Variants in HCST observed in about 807,000 individuals in gnomAD.
The protein encoded by HCST is DNAX-activation protein 10.
In HCST, 12 loss-of-function variants were observed where a neutral mutation model predicts 10.8. The observed-to-expected ratio is 1.12, with a 90% CI of 0.72 to 1.81. The LOEUF (loss-of-function observed/expected upper bound fraction) is 1.81, where lower values mean the gene tolerates loss of function less well. Among genes scored for constraint, HCST ranks in the 40% most tolerant of loss-of-function variants. The probability of loss-of-function intolerance (pLI) is 0.00; values close to 1 mark genes in which losing one functional copy is unlikely to be tolerated. For synonymous variants in HCST, 59 were observed against 51.6 expected, an observed-to-expected ratio of 1.14 and a Z score of -0.61; for missense variants, 102 against 117.9, an observed-to-expected ratio of 0.87 and a Z score of 0.62.
Position 35,902,572 on chromosome 19 carries a change from C to T in HCST, c.-22C>T. The T allele has an allele frequency of 1.2e-6, 2 of 1,611,080 alleles. No individual in the cohort carries two copies. The highest frequency in any genetic ancestry group is 1.1e-5 in the South Asian group (1 of 91,038). ...TCTGGACCACAGTCCTCTGCCAGAC[C>T]CCTGCCAGACCCCAGTCCACCATGA... On this transcript the variant is annotated 5_prime_UTR_variant, in exon 1 of 4. Coordinates refer to ENST00000246551, the MANE Select transcript of HCST (RefSeq NM_014266.4).
intron 1 of HCST, 74 bp downstream of exon 1, chr19:35,902,710 C>A: frequency 6.8e-7 from 1 of 1,468,522 alleles, no homozygotes; most frequent in Non-Finnish European, 9.5e-7. Context: ...TCTGCAGGGA[C>A]GGGTGATGAA....
intron 1 of HCST, chr19:35,903,067 G>C (rs115500701): frequency 4.4e-6 from 2 of 454,064 alleles, no homozygotes; most frequent in Non-Finnish European, 8.1e-6. Context: ...CACGGCTCAC[G>C]GCAGCCTTGA....
In HCST at chr19:35,904,172, CTTGGACCT is replaced by C; in HGVS notation, c.*16_*23del. 1 of 1,613,878 alleles carries C rather than the reference CTTGGACCT, an allele frequency of 6.2e-7. No individual in the cohort carries two copies. The highest frequency in any genetic ancestry group is 1.1e-5 in the South Asian group (1 of 91,088). ...CAGGCAGGGGCTGACCCTCCTGCAG[CTTGGACCT>C]TTGACTTCTGACCCTCTCATCCTGG... On this transcript the variant is annotated 3_prime_UTR_variant, in exon 4 of 4. Transcript: ENST00000246551.
chr19:35,904,151 C>T lies in HCST; in HGVS notation c.273C>T (p.Gly91=), dbSNP rs1380234270. 1.2e-6 allele frequency: 2 copies of T among 1,614,030 alleles called. No homozygotes were observed. Among genetic ancestry groups the T allele is most frequent in the Non-Finnish European group, 1.7e-6 (2 of 1,179,982 alleles). Residue 91 remains glycine, a synonymous_variant, in exon 4 of 4, where the codon GGC becomes GGT. Transcript: ENST00000246551. ...GCAAAGTCTACATCAACATGCCAGG[C>T]AGGGGCTGACCCTCCTGCAGCTTGG... The part of the protein sequence containing the change: ...EDGKVYINMP[G]RG
chr19:35,903,563 G>A, intron 2 of HCST, 147 bp downstream of exon 2: 1 of 1,007,692 alleles, frequency 9.9e-7, no homozygotes, highest in Non-Finnish European at 1.5e-6. Context: ...CCTGTGTTCA[G>A]GAGCACCCCG....
chr19:35,903,273 G>C (rs577611070), intron 1 of HCST, 78 bp from the exon 2 acceptor site: 1 of 1,299,404 alleles, frequency 7.7e-7, no homozygotes, highest in African/African-American at 1.5e-5. Flanking sequence ...TGACAGGCGT[G>C]AGCCACGGTG....
At chr19:35,903,180 G>A (rs761453942) in intron 1 of HCST, 171 bp from the exon 2 acceptor site, 3 of 581,290 alleles carry the variant, frequency 5.2e-6, no homozygotes, top group African/African-American at 1.9e-5. Flanking sequence ...TTGTAGAGAC[G>A]AGGTCTCACT....
rs902317604 is a variant in HCST, at chr19:35,904,014, G to A, written c.242-106G>A. ...GGAGGAGGTGCTGGGGAAACCCTGG[G>A]GGAGGTGCCTGGGGGAACCCCTGAG... On this transcript the variant is annotated intron_variant, in intron 3 of 3. Transcript: ENST00000246551. 8.2e-6 allele frequency: 13 copies of A among 1,588,798 alleles called. No individual in the cohort carries two copies. In the African/African-American group the frequency reaches 1.2e-4, roughly 15 times the overall value.
At position 35,902,591 on chromosome 19, in the gene HCST, A is replaced by C; in HGVS notation, c.-3A>C. 6.2e-7 allele frequency: 1 copy of C among 1,614,142 alleles called. No homozygotes were observed. Among genetic ancestry groups the C allele is most frequent in the Non-Finnish European group, 8.5e-7 (1 of 1,179,978 alleles). ...CCAGACCCCTGCCAGACCCCAGTCCACCATGATCCATCTGGGTCACATCCT... is the reference window on the plus strand; with the variant it reads ...CCAGACCCCTGCCAGACCCCAGTCCCCCATGATCCATCTGGGTCACATCCT... On this transcript the variant is annotated 5_prime_UTR_variant, in exon 1 of 4. Coordinates refer to ENST00000246551, the MANE Select transcript of HCST (RefSeq NM_014266.4).
intron 1 of HCST, chr19:35,903,022 G>C (rs1334903357): frequency 9.2e-6 from 4 of 433,476 alleles, no homozygotes; most frequent in Non-Finnish European, 1.7e-5. Flanking sequence ...ATGGGGTCTT[G>C]CTCTGTTGTC....
rs1975603735 is a variant in HCST at position 35,902,694 on chromosome 19, G to A, written c.43+58G>A. 9.0e-6 allele frequency: 14 copies of A among 1,556,144 alleles called. No homozygotes were observed. The South Asian group carries it at 1.4e-4, about 16-fold the overall frequency. ...GAGCGTTTGTGAGATGGGTGCTTGG[G>A]TGACGTCTGCAGGGACGGGTGATGA... is the stretch of plus-strand genomic sequence containing the variant. On this transcript the variant is annotated intron_variant, in intron 1 of 3. Coordinates refer to ENST00000246551, the MANE Select transcript of HCST (RefSeq NM_014266.4).
At chr19:35,903,975 C>T in intron 3 of HCST, 72 bp downstream of exon 3, 1 of 1,575,814 alleles carries the variant, frequency 6.3e-7, no homozygotes, top group Non-Finnish European at 8.6e-7. Context: ...GGAGGGGGCC[C>T]TTGGGGAAGC....
intron 2 of HCST, 96 bp from the exon 3 acceptor site, chr19:35,903,671 ACCCGC>A (rs1665268343): frequency 6.4e-7 from 1 of 1,554,660 alleles, no homozygotes; most frequent in Admixed American, 1.8e-5. Flanking sequence ...GGAACCTGGG[ACCCGC>A]CCCCTCGCAG....
At chr19:35,904,045 C>G in intron 3 of HCST, 75 bp from the exon 4 acceptor site, 2 of 1,602,056 alleles carry the variant, frequency 1.2e-6, no homozygotes, top group Non-Finnish European at 1.7e-6. Context: ...CTGAGGAAAC[C>G]CCTGAAGCAG....
At chr19:35,904,091 G>A (rs757153648) in intron 3 of HCST, 29 bp from the exon 4 acceptor site, 2 of 1,613,414 alleles carry the variant, frequency 1.2e-6, no homozygotes, top group South Asian at 2.2e-5. Flanking sequence ...GGGTGGTCAA[G>A]CTTCATGCTT....
At chr19:35,902,709 A>G in intron 1 of HCST, 73 bp downstream of exon 1, 1 of 1,474,768 alleles carries the variant, frequency 6.8e-7, no homozygotes, top group Non-Finnish European at 9.5e-7. Flanking sequence ...GTCTGCAGGG[A>G]CGGGTGATGA....
Position 35,902,578 on chromosome 19 carries a change from C to T in HCST, c.-16C>T. 1 of 1,613,928 alleles carries T rather than the reference C, an allele frequency of 6.2e-7. No homozygotes were observed. Among genetic ancestry groups the T allele is most frequent in the Non-Finnish European group, 8.5e-7 (1 of 1,179,840 alleles). On this transcript the variant is annotated 5_prime_UTR_variant, in exon 1 of 4. Coordinates refer to ENST00000246551, the MANE Select transcript of HCST (RefSeq NM_014266.4). ...CCACAGTCCTCTGCCAGACCCCTGC[C>T]AGACCCCAGTCCACCATGATCCATC...
In HCST at chr19:35,902,995, G is replaced by A. The variant is rs942784225; in HGVS notation, c.44-356G>A. On this transcript the variant is annotated intron_variant, in intron 1 of 3. Coordinates refer to ENST00000246551, the MANE Select transcript of HCST (RefSeq NM_014266.4). Reference sequence around the variant, plus strand: ...TTTCCTTCTCTACACCCTATTTTTTGGTTTGTTTATTTTGAGATGGGGTCT... The same window carrying A: ...TTTCCTTCTCTACACCCTATTTTTTAGTTTGTTTATTTTGAGATGGGGTCT... 16 of 416,944 alleles carry A rather than the reference G, an allele frequency of 3.8e-5. No individual in the cohort carries two copies. In the East Asian group the frequency reaches 7.6e-4, roughly 20 times the overall value. The allele number at this position is 416,944 out of a possible 1,614,324, so 25.8% of individuals were successfully genotyped here. A position where few individuals can be genotyped will look rare whatever the true frequency, so the allele number is the denominator to read the frequency against.
intron 1 of HCST, chr19:35,903,057 C>G (rs1433584265): frequency 4.4e-6 from 2 of 452,426 alleles, no homozygotes; most frequent in Non-Finnish European, 4.1e-6. Context: ...GTGGCACAAT[C>G]ACGGCTCACG....
Sources: gnomAD v4.1 joint callset for allele counts on GRCh38, gnomAD v4.1.1 for gene constraint, MANE v1.5 for transcripts, NCBI Gene and HGNC (gene_info 2026-07-23, HGNC 2026-07-21) for gene names.